DNAAF11: variants seen among roughly 807,000 people sequenced by gnomAD.
The protein encoded by DNAAF11 is dynein axonemal assembly factor 11.
In DNAAF11, 45 loss-of-function variants were observed where a neutral mutation model predicts 60.8. That is an observed-to-expected ratio of 0.74 (90% confidence interval 0.58 to 0.95). DNAAF11 has a LOEUF of 0.95. DNAAF11 is among the 40% of genes least tolerant of loss of function. The pLI, the probability that DNAAF11 is intolerant of heterozygous loss-of-function variation, is 0.00. For synonymous variants in DNAAF11, 191 were observed against 183.5 expected (o/e 1.04, Z -0.33); for missense variants, 546 against 546.2 (o/e 1.00, Z 0.00).
intron 11 of DNAAF11, among the ~76,000 whole-genome samples, chr8:132,576,956 G>A (rs981131238): frequency 5.3e-5 from 8 of 152,126 alleles, no homozygotes; most frequent in African/African-American, 1.9e-4. Context: ...CTGATATTTC[G>A]TTTATTATGT....
Position 132,625,415 on chromosome 8 carries a change from G to A in DNAAF11, c.693C>T (p.Asp231=). The change falls in exon 6 of 12, where the codon GAC becomes GAT. Residue 231 remains aspartate, a synonymous_variant. Transcript: ENST00000620350. ...LESKDHLQAP[D]TEEHNTKKLD... ...ATTTCTTTGTGTTGTGTTCCTCTGTGTCTGGTGCCTGTAGGTGGTCTTTGC... is the reference window on the plus strand; with the variant it reads ...ATTTCTTTGTGTTGTGTTCCTCTGTATCTGGTGCCTGTAGGTGGTCTTTGC... 1 of 1,612,416 alleles carries A rather than the reference G, an allele frequency of 6.2e-7. No individual in the cohort carries two copies. The highest frequency in any genetic ancestry group is 1.1e-5 in the South Asian group (1 of 90,584).
the DNAAF11 span, among the ~76,000 whole-genome samples, chr8:132,702,603 T>A: frequency 6.6e-6 from 1 of 152,154 alleles, no homozygotes; most frequent in Non-Finnish European, 1.5e-5. Flanking sequence ...TAATAATAAT[T>A]GCAGCTCCCA....
At chr8:132,656,654 T>A (rs575124290) in intron 3 of DNAAF11, among the ~76,000 whole-genome samples, 176 bp downstream of exon 3, 1 of 152,228 alleles carries the variant, frequency 6.6e-6, no homozygotes, top group East Asian at 1.9e-4. Flanking sequence ...GTATTTTTAG[T>A]AGAGACGGGG....
chr8:132,582,976 A>T (rs911228281), intron 11 of DNAAF11, among the ~76,000 whole-genome samples: 2 of 152,144 alleles, frequency 1.3e-5, no homozygotes, highest in Non-Finnish European at 2.9e-5. Context: ...TGCTTAAGGG[A>T]GATTGGCTTG....
At chr8:132,622,776 T>C in intron 6 of DNAAF11, 88 bp from the exon 7 acceptor site, 1 of 926,124 alleles carries the variant, frequency 1.1e-6, no homozygotes, top group South Asian at 1.5e-5. Context: ...TACATTTTTG[T>C]GAAACAGTTT....
At chr8:132,594,891 C>T (rs1156877177) in intron 10 of DNAAF11, among the ~76,000 whole-genome samples, 3 of 151,862 alleles carry the variant, frequency 2.0e-5, no homozygotes, top group Non-Finnish European at 4.4e-5. Flanking sequence ...AAATTGGTAC[C>T]AAGAATGGGG....
chr8:132,602,900 C>A (rs1279045523), intron 10 of DNAAF11, among the ~76,000 whole-genome samples: 1 of 152,076 alleles, frequency 6.6e-6, no homozygotes, highest in East Asian at 1.9e-4. Context: ...ACAACCTTCA[C>A]TCAAGCTCAA....
the DNAAF11 span, among the ~76,000 whole-genome samples, chr8:132,688,745 A>T: frequency 6.6e-6 from 1 of 152,186 alleles, no homozygotes; most frequent in African/African-American, 2.4e-5. Context: ...GCACATCTGG[A>T]TCAAGCTGTA....
intron 10 of DNAAF11, among the ~76,000 whole-genome samples, chr8:132,601,337 A>G (rs959562371): frequency 2.6e-5 from 4 of 152,288 alleles, no homozygotes; most frequent in Admixed American, 6.5e-5. Flanking sequence ...ACTGTAAACT[A>G]GTTCAACCAT....
intron 3 of DNAAF11, among the ~76,000 whole-genome samples, chr8:132,639,381 T>C (rs1821633369): frequency 6.6e-6 from 1 of 152,192 alleles, no homozygotes; most frequent in African/African-American, 2.4e-5. Context: ...AGGTCCACCT[T>C]GTTCTGCATT....
At chr8:132,667,628 G>T (rs867978438) in intron 1 of DNAAF11, among the ~76,000 whole-genome samples, 1 of 152,168 alleles carries the variant, frequency 6.6e-6, no homozygotes, top group Non-Finnish European at 1.5e-5. Flanking sequence ...ACCAATATCT[G>T]TCTGACTGGA....
At chr8:132,702,823 G>T in the DNAAF11 span, among the ~76,000 whole-genome samples, 351 of 152,276 alleles carry the variant, frequency 2.3e-3, 2 homozygotes, top group African/African-American at 8.1e-3. Flanking sequence ...GGTCTCCTCT[G>T]ACTCCAGAGC....
At chr8:132,630,929 A>T (rs1444052879) in intron 5 of DNAAF11, among the ~76,000 whole-genome samples, 1 of 152,216 alleles carries the variant, frequency 6.6e-6, no homozygotes, top group Non-Finnish European at 1.5e-5. Flanking sequence ...TTGTTGATAT[A>T]TGAGTATAAA....
chr8:132,679,435 G>A (rs1375669564), upstream of DNAAF11, among the ~76,000 whole-genome samples: 1 of 152,200 alleles, frequency 6.6e-6, no homozygotes, highest in Non-Finnish European at 1.5e-5. Flanking sequence ...TGTTGTAAAG[G>A]AATCTAGCAG....
At chr8:132,605,241 T>C (rs959977302) in intron 10 of DNAAF11, among the ~76,000 whole-genome samples, 19 of 152,104 alleles carry the variant, frequency 1.2e-4, no homozygotes, top group African/African-American at 4.6e-4. Flanking sequence ...CTGAGTGAAA[T>C]ATCAGAATTT....
At chr8:132,695,995 A>G in the DNAAF11 span, among the ~76,000 whole-genome samples, 1 of 152,218 alleles carries the variant, frequency 6.6e-6, no homozygotes, top group Non-Finnish European at 1.5e-5. Flanking sequence ...ATTGGGAGAA[A>G]GAATGAGCTG....
chr8:132,680,385 T>C (rs1471959146), upstream of DNAAF11, among the ~76,000 whole-genome samples: 1 of 151,434 alleles, frequency 6.6e-6, no homozygotes, highest in Non-Finnish European at 1.5e-5. Flanking sequence ...GTGTGTGTGC[T>C]TTTTTTTTAT....
intron 6 of DNAAF11, among the ~76,000 whole-genome samples, chr8:132,624,248 C>T (rs1181670918): frequency 6.6e-6 from 1 of 152,106 alleles, no homozygotes; most frequent in Non-Finnish European, 1.5e-5. Context: ...ATTTTCTTAA[C>T]AGTACAGTGG....
the DNAAF11 span, among the ~76,000 whole-genome samples, chr8:132,699,283 A>G: frequency 2.0e-5 from 3 of 152,176 alleles, no homozygotes; most frequent in Middle Eastern, 3.4e-3. Context: ...TGGCCCTGAG[A>G]AGTTCAGAAA....
Sources: allele counts gnomAD v4.1 joint callset (sites outside exome capture counted in the v4.1 genomes callset), GRCh38; gene constraint gnomAD v4.1.1; transcripts MANE v1.5; gene names NCBI Gene and HGNC (gene_info 2026-07-23, HGNC 2026-07-21).